Variants in SCN9A observed in about 807,000 individuals in gnomAD.
The protein encoded by SCN9A is sodium voltage-gated channel alpha subunit 9, also known as sodium channel protein type 9 subunit alpha.
SCN9A carries 131 observed loss-of-function variants against 187.0 expected under a neutral mutation model. The ratio of observed to expected loss-of-function variants is 0.70; its 90% confidence interval spans 0.61 to 0.81. SCN9A has a LOEUF of 0.81. Among genes scored for constraint, SCN9A ranks in the 30% least tolerant of loss-of-function variants. The probability of loss-of-function intolerance (pLI) is 0.00; values close to 1 mark genes in which losing one functional copy is unlikely to be tolerated. For missense variants in SCN9A, 2,252 were observed against 2,396.6 expected (o/e 0.94, Z 1.26); for synonymous variants, 809 against 808.6 (o/e 1.00, Z -0.01).
At chr2:166,228,434 T>C (rs1574760331) in intron 22 of SCN9A, among the ~76,000 whole-genome samples, 1 of 151,686 alleles carries the variant, frequency 6.6e-6, no homozygotes, top group African/African-American at 2.4e-5. Flanking sequence ...TTTTTTTGTA[T>C]TTTTAGTAGA....
intron 17 of SCN9A, among the ~76,000 whole-genome samples, chr2:166,263,263 A>C (rs1696593088): frequency 6.6e-6 from 1 of 151,996 alleles, no homozygotes; most frequent in Non-Finnish European, 1.5e-5. Context: ...ATAATTTTGC[A>C]TGCCTCACTT....
chr2:166,288,120 T>TATACACACACACAC (rs56738765), intron 10 of SCN9A, among the ~76,000 whole-genome samples: 20 of 135,558 alleles, frequency 1.5e-4, no homozygotes, highest in Admixed American at 3.7e-4. Context: ...TATATATATA[T>TATACACACACACAC]ACACACACAT....
At chr2:166,240,824 C>A (rs1287974164) in intron 19 of SCN9A, among the ~76,000 whole-genome samples, 1 of 152,066 alleles carries the variant, frequency 6.6e-6, no homozygotes, top group Non-Finnish European at 1.5e-5. Context: ...CAGTGAGCAA[C>A]CTTGAGACAT....
chr2:166,225,288 C>T (rs1694796526), intron 24 of SCN9A, among the ~76,000 whole-genome samples: 1 of 152,132 alleles, frequency 6.6e-6, no homozygotes, highest in South Asian at 2.1e-4. Flanking sequence ...TCCCACCTTC[C>T]AAAGCCTTCT....
intron 17 of SCN9A, among the ~76,000 whole-genome samples, chr2:166,265,210 C>A (rs774977122): frequency 6.6e-6 from 1 of 151,968 alleles, no homozygotes; most frequent in Non-Finnish European, 1.5e-5. Context: ...TTTCCCCACA[C>A]CTCGCTCCTC....
At chr2:166,300,053 G>C (rs1698488121) in intron 7 of SCN9A, among the ~76,000 whole-genome samples, 1 of 150,608 alleles carries the variant, frequency 6.6e-6, no homozygotes, top group African/African-American at 2.5e-5. Flanking sequence ...CTCTTGCCTA[G>C]ATGAGAGAAG....
rs1448333385 is a variant in SCN9A at position 166,238,096 on chromosome 2, C to G, written c.3799G>C (p.Asp1267His). 9 of 1,608,628 alleles carry G rather than the reference C, an allele frequency of 5.6e-6. No individual in the cohort carries two copies. The highest frequency in any genetic ancestry group is 6.8e-6 in the Non-Finnish European group (8 of 1,176,886). Residue 1267 changes from aspartate (D) to histidine (H), a missense_variant and splice_region_variant, in exon 20 of 27, where the codon GAT becomes CAT. By Grantham distance (81) the Asp-to-His change is moderately conservative. Transcript: ENST00000642356. Reference protein sequence around the residue: ...AWCWLDFLIVDVSLVTLVANT... With the variant: ...AWCWLDFLIVHVSLVTLVANT... ...AAAATGTACTCAAAAGTACCTACAT[C>G]AACAATTAGGAAATCCAGCCAACAC...
intron 7 of SCN9A, among the ~76,000 whole-genome samples, chr2:166,298,331 C>T (rs1321485878): frequency 6.6e-6 from 1 of 152,154 alleles, no homozygotes; most frequent in Non-Finnish European, 1.5e-5. Context: ...GTATATTTCT[C>T]CATAATACTG....
chr2:166,241,581 G>A (rs372340525), intron 19 of SCN9A, among the ~76,000 whole-genome samples: 2 of 152,058 alleles, frequency 1.3e-5, no homozygotes, highest in South Asian at 4.2e-4. Flanking sequence ...GCCTCCTTAC[G>A]ATTGTATACT....
At chr2:166,218,608 T>C (rs537652054) in intron 24 of SCN9A, among the ~76,000 whole-genome samples, 6 of 151,996 alleles carry the variant, frequency 3.9e-5, no homozygotes, top group Non-Finnish European at 8.8e-5. Flanking sequence ...TCTAAAACTA[T>C]AAAAACCCTG....
intron 21 of SCN9A, among the ~76,000 whole-genome samples, chr2:166,231,746 T>G (rs1695096018): frequency 6.6e-6 from 1 of 151,656 alleles, no homozygotes; most frequent in Non-Finnish European, 1.5e-5. Flanking sequence ...AGAGATGGGG[T>G]TTCACCATAT....
At chr2:166,303,024 T>C in intron 7 of SCN9A, 66 bp downstream of exon 7, 1 of 1,165,322 alleles carries the variant, frequency 8.6e-7, no homozygotes, top group South Asian at 1.4e-5. Flanking sequence ...CAACATTTCA[T>C]TATTAAAAGA....
intron 7 of SCN9A, among the ~76,000 whole-genome samples, chr2:166,297,062 TGGCG>T (rs983303057): frequency 7.3e-5 from 11 of 150,800 alleles, no homozygotes; most frequent in African/African-American, 2.7e-4. Flanking sequence ...CTGGGCGTGG[TGGCG>T]GGCACCTGTA....
intron 4 of SCN9A, 103 bp downstream of exon 4, chr2:166,306,406 TA>T: frequency 1.4e-6 from 1 of 730,664 alleles, no homozygotes. Context: ...CATGGGAAGG[TA>T]AAGATTCCCC....
chr2:166,313,424 C>T (rs931306782), intron 1 of SCN9A, among the ~76,000 whole-genome samples: 5 of 152,168 alleles, frequency 3.3e-5, no homozygotes, highest in African/African-American at 1.2e-4. Context: ...GAATAACTTG[C>T]TGCATCTTCT....
Position 166,311,790 on chromosome 2 carries a change from C to A in SCN9A, c.-34G>T. The A allele has an allele frequency of 6.5e-7, 1 of 1,546,500 alleles. No homozygotes were observed. Among genetic ancestry groups the A allele is most frequent in the Non-Finnish European group, 8.8e-7 (1 of 1,141,792 alleles). On this transcript the variant is annotated 5_prime_UTR_variant, in exon 2 of 27. Coordinates refer to ENST00000642356, the MANE Select transcript of SCN9A (RefSeq NM_001365536.1). Reference sequence around the variant, plus strand: ...CCTGTATATTTTAATTCCTCTTCAGCTCCTCACATAAGAGGCCTGGATGGA... The same window carrying A: ...CCTGTATATTTTAATTCCTCTTCAGATCCTCACATAAGAGGCCTGGATGGA...
At chr2:166,227,871 T>A (rs1426786213) in intron 22 of SCN9A, 148 bp from the exon 23 acceptor site, 2 of 588,396 alleles carry the variant, frequency 3.4e-6, no homozygotes, top group East Asian at 5.9e-5. Context: ...AATGTAAAGA[T>A]TTTTTTAAAA....
Position 166,199,527 on chromosome 2 carries a change from T to C in SCN9A, c.5112A>G (p.Leu1704=). ...GTGGCTTACTGTTAAGAATAGGTGC[T>C]AGCAATCCATCCCAGCCAGCAGAGG... ...ITTSAGWDGL[L]APILNSKPPD... Residue 1704 remains leucine (L), a synonymous_variant, in exon 27 of 27, where the codon CTA becomes CTG. Transcript: ENST00000642356. 1 of 1,614,228 alleles carries C rather than the reference T, an allele frequency of 6.2e-7. No individual in the cohort carries two copies. The highest frequency in any genetic ancestry group is 8.5e-7 in the Non-Finnish European group (1 of 1,180,036).
chr2:166,293,461 T>C (rs960577802), intron 8 of SCN9A, 89 bp from the exon 9 acceptor site: 1 of 1,129,470 alleles, frequency 8.9e-7, no homozygotes, highest in Non-Finnish European at 1.2e-6. Context: ...TCAAGGTTTC[T>C]TCTATAGGGG....
Sources: allele counts gnomAD v4.1 joint callset (sites outside exome capture counted in the v4.1 genomes callset), GRCh38; gene constraint gnomAD v4.1.1; transcripts MANE v1.5; gene names NCBI Gene and HGNC (gene_info 2026-07-23, HGNC 2026-07-21).